The following SLIT3 variants were observed in gnomAD, a reference collection of about 807,000 sequenced individuals.
SLIT3 encodes the protein slit homolog 3 protein.
A neutral mutation model predicts 184.0 loss-of-function variants in SLIT3; 68 were observed. The ratio of observed to expected loss-of-function variants is 0.37; its 90% CI spans 0.30 to 0.45. SLIT3 has a LOEUF of 0.45. Among genes scored for constraint, SLIT3 ranks in the 20% least tolerant of loss-of-function variants. SLIT3 has a pLI of 1.00. For missense variants in SLIT3, 1,707 were observed against 2,026.0 expected (o/e 0.84, Z 3.02); for synonymous variants, 831 against 828.6 (o/e 1.00, Z -0.05).
At chr5:168,886,949 C>A (rs1476934610) in intron 4 of SLIT3, among the ~76,000 whole-genome samples, 1 of 152,132 alleles carries the variant, frequency 6.6e-6, no homozygotes, top group Non-Finnish European at 1.5e-5. Flanking sequence ...CCAATATATC[C>A]CCCTTCCAGC....
chr5:168,899,639 G>T (rs1056152945), intron 4 of SLIT3, among the ~76,000 whole-genome samples: 2 of 152,278 alleles, frequency 1.3e-5, no homozygotes, highest in Non-Finnish European at 2.9e-5. Context: ...TGCCATGTAG[G>T]TTCAGAGTTG....
At chr5:169,086,684 G>A (rs1216748544) in intron 4 of SLIT3, among the ~76,000 whole-genome samples, 2 of 152,172 alleles carry the variant, frequency 1.3e-5, no homozygotes, top group Non-Finnish European at 2.9e-5. Context: ...ATGAAAATTT[G>A]TGCAAACTTT....
At chr5:168,804,612 G>T (rs1487384957) in intron 9 of SLIT3, among the ~76,000 whole-genome samples, 1 of 152,206 alleles carries the variant, frequency 6.6e-6, no homozygotes, top group Non-Finnish European at 1.5e-5. Context: ...GCCGCAGAAG[G>T]CGGAGAGGGC....
At chr5:169,234,636 G>A (rs1210726220) in intron 3 of SLIT3, among the ~76,000 whole-genome samples, 1 of 152,010 alleles carries the variant, frequency 6.6e-6, no homozygotes, top group Non-Finnish European at 1.5e-5. Context: ...TGGAACTCTT[G>A]ACCTGAAGTG....
intron 33 of SLIT3, among the ~76,000 whole-genome samples, chr5:168,672,466 T>C (rs1364461353): frequency 6.6e-6 from 1 of 152,158 alleles, no homozygotes; most frequent in Non-Finnish European, 1.5e-5. Flanking sequence ...AACTGATGGC[T>C]ACTTTTTTGT....
intron 7 of SLIT3, among the ~76,000 whole-genome samples, chr5:168,819,532 C>T (rs57948410): frequency 0.17 from 25,678 of 152,046 alleles, 3,102 homozygotes; most frequent in African/African-American, 0.34. Context: ...CAGTGAGGCG[C>T]GGAAGCTGAG....
At chr5:169,088,005 G>A (rs928033003) in intron 4 of SLIT3, among the ~76,000 whole-genome samples, 3 of 152,158 alleles carry the variant, frequency 2.0e-5, no homozygotes, top group Non-Finnish European at 2.9e-5. Flanking sequence ...GCCACCTATA[G>A]GCCAGGACTT....
chr5:168,724,530 C>T (rs368077546), intron 20 of SLIT3, 46 bp from the exon 21 acceptor site: 1 of 1,541,794 alleles, frequency 6.5e-7, no homozygotes, highest in African/African-American at 1.4e-5. Flanking sequence ...AGACACTGTA[C>T]AAATTCTCAC....
At chr5:168,676,454 C>T (rs894119850) in intron 32 of SLIT3, among the ~76,000 whole-genome samples, 7 of 152,154 alleles carry the variant, frequency 4.6e-5, no homozygotes, top group African/African-American at 1.4e-4. Flanking sequence ...AGCCAAAAAG[C>T]CCTATGAAGG....
At chr5:168,955,926 A>G (rs963637893) in intron 4 of SLIT3, among the ~76,000 whole-genome samples, 7 of 152,186 alleles carry the variant, frequency 4.6e-5, no homozygotes, top group African/African-American at 1.7e-4. Context: ...TGCCTGCTGA[A>G]TATGGTCTTC....
intron 1 of SLIT3, among the ~76,000 whole-genome samples, chr5:169,271,530 A>G (rs66954503): frequency 1.3e-5 from 2 of 151,970 alleles, no homozygotes; most frequent in Admixed American, 6.6e-5. Context: ...GGGCATTGCG[A>G]GGGGGTAGAG....
At chr5:168,882,626 C>T (rs955326372) in intron 5 of SLIT3, among the ~76,000 whole-genome samples, 23 of 152,242 alleles carry the variant, frequency 1.5e-4, no homozygotes, top group African/African-American at 5.3e-4. Flanking sequence ...ATGTCAGATG[C>T]TACCATTGGA....
intron 4 of SLIT3, among the ~76,000 whole-genome samples, chr5:168,983,570 T>G (rs1416819456): frequency 6.6e-6 from 1 of 152,232 alleles, no homozygotes; most frequent in Non-Finnish European, 1.5e-5. Context: ...TGTTCTAAGC[T>G]GTGAGCCCCG....
At chr5:168,923,899 G>A (rs1191389115) in intron 4 of SLIT3, among the ~76,000 whole-genome samples, 1 of 152,260 alleles carries the variant, frequency 6.6e-6, no homozygotes, top group Non-Finnish European at 1.5e-5. Context: ...CCAGCCTGCT[G>A]CCTGAAATAA....
chr5:168,842,151 G>A (rs897572678), intron 6 of SLIT3, among the ~76,000 whole-genome samples: 1 of 152,130 alleles, frequency 6.6e-6, no homozygotes, highest in African/African-American at 2.4e-5. Context: ...AAATGGAGAT[G>A]TCAGCTCCAG....
chr5:168,805,824 A>G (rs1317852964), intron 9 of SLIT3, among the ~76,000 whole-genome samples: 1 of 152,196 alleles, frequency 6.6e-6, no homozygotes, highest in Non-Finnish European at 1.5e-5. Context: ...CACTTCCACC[A>G]CTATTTTACA....
intron 4 of SLIT3, among the ~76,000 whole-genome samples, chr5:169,075,716 A>G (rs1406597517): frequency 1.3e-5 from 2 of 152,122 alleles, no homozygotes. Flanking sequence ...ACCACAGCAC[A>G]CTCTTCAGAG....
At chr5:169,216,953 CAA>C (rs1169555410) in intron 3 of SLIT3, among the ~76,000 whole-genome samples, 1 of 151,972 alleles carries the variant, frequency 6.6e-6, no homozygotes, top group Non-Finnish European at 1.5e-5. Context: ...AGTTAAAAGA[CAA>C]GAGAAAGAAT....
At chr5:168,717,820 C>A (rs1403734378) in intron 23 of SLIT3, among the ~76,000 whole-genome samples, 1 of 151,974 alleles carries the variant, frequency 6.6e-6, no homozygotes, top group Non-Finnish European at 1.5e-5. Flanking sequence ...GCCACTACGT[C>A]CGGCTAATTT....
Sources: allele counts gnomAD v4.1 joint callset (sites outside exome capture counted in the v4.1 genomes callset), GRCh38; gene constraint gnomAD v4.1.1; transcripts MANE v1.5; gene names NCBI Gene and HGNC (gene_info 2026-07-23, HGNC 2026-07-21).